The following SNTB1 variants were observed in gnomAD, a reference collection of about 807,000 sequenced individuals.
SNTB1 encodes the protein syntrophin beta 1, also known as beta-1-syntrophin.
A neutral mutation model predicts 48.9 loss-of-function variants in SNTB1; 36 were observed. The observed-to-expected ratio is 0.74, with a 90% CI of 0.56 to 0.97. The LOEUF (loss-of-function observed/expected upper bound fraction) is 0.97, where lower values mean the gene tolerates loss of function less well. SNTB1 is among the 50% of genes least tolerant of loss of function. SNTB1 has a pLI of 0.00. For synonymous variants in SNTB1, 299 were observed against 294.6 expected (o/e 1.01, Z -0.15); for missense variants, 786 against 703.4 (o/e 1.12, Z -1.33).
chr8:120,810,573 G>A (rs1159522740), intron 1 of SNTB1, among the ~76,000 whole-genome samples: 1 of 152,180 alleles, frequency 6.6e-6, no homozygotes, highest in Non-Finnish European at 1.5e-5. Flanking sequence ...TCAACCCAGA[G>A]GAACCTGGAA....
intron 2 of SNTB1, among the ~76,000 whole-genome samples, chr8:120,661,307 T>C (rs1817584173): frequency 6.6e-6 from 1 of 152,050 alleles, no homozygotes; most frequent in Non-Finnish European, 1.5e-5. Flanking sequence ...AATGCATGAA[T>C]GAATGAATGA....
intron 1 of SNTB1, among the ~76,000 whole-genome samples, chr8:120,806,003 G>C (rs896595930): frequency 6.6e-6 from 1 of 152,192 alleles, no homozygotes; most frequent in Non-Finnish European, 1.5e-5. Context: ...GAGTTAATCC[G>C]TGTAAAGTGC....
chr8:120,732,613 A>G (rs73321302), intron 1 of SNTB1, among the ~76,000 whole-genome samples: 20,197 of 152,242 alleles, frequency 0.13, 1,773 homozygotes, highest in African/African-American at 0.24. Flanking sequence ...GGGAGGCCAA[A>G]GTAGGCAAGT....
chr8:120,547,361 C>G (rs1341717236), intron 5 of SNTB1, among the ~76,000 whole-genome samples: 1 of 152,008 alleles, frequency 6.6e-6, no homozygotes, highest in Non-Finnish European at 1.5e-5. Context: ...TTTGGGAAGT[C>G]AAGGCACATA....
At chr8:120,606,365 A>G (rs1036061543) in intron 3 of SNTB1, among the ~76,000 whole-genome samples, 2 of 147,040 alleles carry the variant, frequency 1.4e-5, no homozygotes, top group Non-Finnish European at 3.0e-5. Flanking sequence ...ATAGTTGTAT[A>G]TTTATGTCAG....
At chr8:120,619,376 C>T (rs1327194938) in intron 3 of SNTB1, among the ~76,000 whole-genome samples, 1 of 151,900 alleles carries the variant, frequency 6.6e-6, no homozygotes, top group Non-Finnish European at 1.5e-5. Context: ...TTTCAGGGAA[C>T]TTGGAATTGA....
At chr8:120,748,909 T>G (rs1819167639) in intron 1 of SNTB1, among the ~76,000 whole-genome samples, 1 of 152,186 alleles carries the variant, frequency 6.6e-6, no homozygotes, top group South Asian at 2.1e-4. Flanking sequence ...GAGTCTAAAT[T>G]TTTCTCTTCT....
At chr8:120,658,498 T>C (rs1817533729) in intron 2 of SNTB1, among the ~76,000 whole-genome samples, 1 of 152,210 alleles carries the variant, frequency 6.6e-6, no homozygotes, top group Non-Finnish European at 1.5e-5. Flanking sequence ...GACCATACAG[T>C]GAATATCACA....
intron 2 of SNTB1, among the ~76,000 whole-genome samples, chr8:120,658,641 A>G (rs1817535987): frequency 6.6e-6 from 1 of 152,218 alleles, no homozygotes. Context: ...ACTTAAAAAT[A>G]CTTTAATGCT....
chr8:120,573,821 T>A (rs993033775), intron 4 of SNTB1, among the ~76,000 whole-genome samples: 4 of 152,202 alleles, frequency 2.6e-5, no homozygotes, highest in Admixed American at 6.5e-5. Context: ...GGCACCCTTG[T>A]CAACAATCAG....
At chr8:120,580,092 T>A (rs1320587952) in intron 3 of SNTB1, among the ~76,000 whole-genome samples, 2 of 152,240 alleles carry the variant, frequency 1.3e-5, no homozygotes, top group African/African-American at 4.8e-5. Flanking sequence ...TTTAAAGTTA[T>A]CTGCTACTAG....
intron 1 of SNTB1, among the ~76,000 whole-genome samples, chr8:120,702,945 A>T (rs1242113072): frequency 6.6e-6 from 1 of 152,210 alleles, no homozygotes; most frequent in African/African-American, 2.4e-5. Context: ...GGTTATGAGG[A>T]TTAAATGACT....
At chr8:120,590,820 G>A (rs1489812846) in intron 3 of SNTB1, among the ~76,000 whole-genome samples, 2 of 151,564 alleles carry the variant, frequency 1.3e-5, no homozygotes, top group African/African-American at 4.9e-5. Flanking sequence ...CCGAGTAGCT[G>A]GTATTATAGG....
chr8:120,577,466 T>C (rs1431049222), intron 3 of SNTB1, among the ~76,000 whole-genome samples: 2 of 152,144 alleles, frequency 1.3e-5, no homozygotes, highest in African/African-American at 4.8e-5. Flanking sequence ...GTGAATAAAG[T>C]ATGGTCTCAA....
chr8:120,595,601 T>C (rs1440625978), intron 3 of SNTB1, among the ~76,000 whole-genome samples: 2 of 151,982 alleles, frequency 1.3e-5, no homozygotes, highest in Non-Finnish European at 1.5e-5. Context: ...TTTTTTTTTT[T>C]AGACAGTGTT....
intron 2 of SNTB1, among the ~76,000 whole-genome samples, chr8:120,686,842 T>G (rs1818043795): frequency 6.6e-6 from 1 of 152,174 alleles, no homozygotes; most frequent in African/African-American, 2.4e-5. Flanking sequence ...TATATATATT[T>G]TTTTCTGTTT....
At chr8:120,575,302 C>T in intron 3 of SNTB1, 77 bp from the exon 4 acceptor site, 1 of 1,540,986 alleles carries the variant, frequency 6.5e-7, no homozygotes. Context: ...TCCCCCTAAT[C>T]AGAGGACTCA....
At chr8:120,554,460 G>A (rs188820769) in intron 4 of SNTB1, among the ~76,000 whole-genome samples, 7 of 152,260 alleles carry the variant, frequency 4.6e-5, no homozygotes, top group East Asian at 1.9e-4. Context: ...AGCGCTCAGC[G>A]AGCCTGCCTC....
At chr8:120,610,515 G>A (rs1816603725) in intron 3 of SNTB1, among the ~76,000 whole-genome samples, 1 of 148,844 alleles carries the variant, frequency 6.7e-6, no homozygotes, top group African/African-American at 2.4e-5. Context: ...GTTTGCATTT[G>A]CAGCCCACTG....
Sources: allele counts gnomAD v4.1 joint callset (sites outside exome capture counted in the v4.1 genomes callset), GRCh38; gene constraint gnomAD v4.1.1; transcripts MANE v1.5; gene names NCBI Gene and HGNC (gene_info 2026-07-23, HGNC 2026-07-21).